DGKZ: variants seen among roughly 807,000 people sequenced by gnomAD.
DGKZ encodes diacylglycerol kinase zeta.
A neutral mutation model predicts 142.5 loss-of-function variants in DGKZ; 45 were observed. The observed-to-expected ratio is 0.32, with a 90% CI of 0.25 to 0.40. DGKZ has a LOEUF of 0.40. Among genes scored for constraint, DGKZ ranks in the 10% least tolerant of loss-of-function variants. DGKZ has a pLI of 1.00. For missense variants in DGKZ, 755 were observed against 1,306.5 expected (o/e 0.58, Z 6.51); for synonymous variants, 442 against 527.0 (o/e 0.84, Z 2.21).
chr11:46,377,923 T>G, intron 25 of DGKZ: 1 of 519,500 alleles, frequency 1.9e-6, no homozygotes, highest in Non-Finnish European at 3.5e-6. Context: ...GGGTGCCACA[T>G]CACCTGTTCT....
At chr11:46,366,728 T>A in intron 1 of DGKZ, 1 of 1,553,716 alleles carries the variant, frequency 6.4e-7, no homozygotes, top group Non-Finnish European at 8.7e-7. Flanking sequence ...CCTACCCCGC[T>A]ACCTGCGCCG....
At chr11:46,366,432 G>A in intron 1 of DGKZ, 2 of 1,545,132 alleles carry the variant, frequency 1.3e-6, no homozygotes, top group Non-Finnish European at 1.7e-6. Flanking sequence ...CTCCAGGGCT[G>A]CCTCCTGAGT....
intron 26 of DGKZ, 58 bp from the exon 27 acceptor site, chr11:46,378,399 G>C (rs935238331): frequency 1.9e-6 from 3 of 1,558,966 alleles, no homozygotes; most frequent in Non-Finnish European, 2.6e-6. Flanking sequence ...TGTCCACTGA[G>C]GCACCAACCC....
At chr11:46,357,090 A>G (rs1048962252) in intron 1 of DGKZ, among the ~76,000 whole-genome samples, 1 of 152,120 alleles carries the variant, frequency 6.6e-6, no homozygotes, top group Non-Finnish European at 1.5e-5. Flanking sequence ...GGAGGGAGGC[A>G]CTAAAGGAAT....
In DGKZ at chr11:46,367,351, C is replaced by A. The variant is rs778188259; in HGVS notation, c.222C>A (p.Ala74=). The change falls in exon 2 of 31, where the codon GCC becomes GCA. Residue 74 remains alanine, a synonymous_variant. Coordinates refer to ENST00000527911, the Ensembl canonical transcript of DGKZ. This position sits in a 1 kb window ranked among gnomAD's most constrained non-coding sequence, Gnocchi z 4.1. ...CCCCCCCTCCGCCCACCCCTGGGGC[C>A]CCGTGCAGCGAGTCAGAGCGGCAGA... The A allele has an allele frequency of 4.3e-6, 7 of 1,613,190 alleles. No homozygotes were observed. Among genetic ancestry groups the A allele is most frequent in the Non-Finnish European group, 5.1e-6 (6 of 1,180,000 alleles).
intron 30 of DGKZ, 23 bp downstream of exon 30, chr11:46,379,591 G>A (rs1944984516): frequency 1.3e-6 from 2 of 1,578,196 alleles, no homozygotes; most frequent in Non-Finnish European, 1.7e-6. Context: ...CAGGCAGGGA[G>A]CCCACGAGGG....
At chr11:46,337,788 A>C (rs6650168) in intron 1 of DGKZ, among the ~76,000 whole-genome samples, 28 of 145,606 alleles carry the variant, frequency 1.9e-4, no homozygotes, top group East Asian at 7.7e-4. Flanking sequence ...AACAAACAAA[A>C]AAAAAAATGG....
At chr11:46,348,319 G>T (rs1442663239) in intron 1 of DGKZ, among the ~76,000 whole-genome samples, 1 of 152,208 alleles carries the variant, frequency 6.6e-6, no homozygotes, top group Non-Finnish European at 1.5e-5. Context: ...TCTGCAGAAC[G>T]TAGCCCCGTT....
intron 1 of DGKZ, chr11:46,365,195 G>T: frequency 1.0e-6 from 1 of 985,450 alleles, no homozygotes; most frequent in African/African-American, 1.7e-5. Context: ...GCTCCTGCCT[G>T]CCTGCAGGAG....
intron 1 of DGKZ, among the ~76,000 whole-genome samples, chr11:46,349,895 G>C (rs757713746): frequency 4.6e-5 from 7 of 152,152 alleles, no homozygotes; most frequent in Non-Finnish European, 7.3e-5. Context: ...CAGATTCCTA[G>C]ATCTTCCCTT....
At chr11:46,350,034 A>G (rs1389086803) in intron 1 of DGKZ, among the ~76,000 whole-genome samples, 1 of 152,198 alleles carries the variant, frequency 6.6e-6, no homozygotes, top group Non-Finnish European at 1.5e-5. Context: ...AAGTGCTCTT[A>G]TAGGATGCCT....
intron 25 of DGKZ, 78 bp downstream of exon 25, chr11:46,377,290 T>A: frequency 2.0e-6 from 3 of 1,485,764 alleles, no homozygotes; most frequent in Non-Finnish European, 2.7e-6. Context: ...AATCCCTGCT[T>A]CTAGCCCCTC....
At chr11:46,345,668 G>A, upstream of DGKZ, 1 of 1,330,806 alleles carries the variant, frequency 7.5e-7, no homozygotes, top group Non-Finnish European at 1.0e-6. This position sits in a 1 kb window ranked among gnomAD's most constrained non-coding sequence, Gnocchi z 4.1. Context: ...GGTGACAGAA[G>A]TAGGGTCACC....
chr11:46,368,158 T>C (rs1943537450), intron 4 of DGKZ, 79 bp downstream of exon 4: 1 of 1,474,592 alleles, frequency 6.8e-7, no homozygotes, highest in Non-Finnish European at 9.4e-7. Flanking sequence ...CACCCACATG[T>C]TATACAAACG....
At chr11:46,369,712 TG>T (rs1409423050) in intron 5 of DGKZ, 162 bp downstream of exon 5, 11 of 1,018,996 alleles carry the variant, frequency 1.1e-5, no homozygotes, top group Non-Finnish European at 1.3e-5. Flanking sequence ...TAGCGCTGCC[TG>T]CGGAGTGGGT....
chr11:46,377,055 C>A lies in DGKZ; in HGVS notation c.2203-18C>A. 6.2e-7 allele frequency: 1 copy of A among 1,611,654 alleles called. No individual in the cohort carries two copies. The highest frequency in any genetic ancestry group is 8.5e-7 in the Non-Finnish European group (1 of 1,179,424). On this transcript the variant is annotated intron_variant, in intron 24 of 30. Transcript: ENST00000527911. ...ACCGTCAGGTGCCCTGACCTCCCGC[C>A]CTGACCTCCCCCCACAGGAGCACCT...
At chr11:46,333,704 T>G (rs1564986508) in intron 1 of DGKZ, among the ~76,000 whole-genome samples, 2 of 152,126 alleles carry the variant, frequency 1.3e-5, no homozygotes, top group Non-Finnish European at 2.9e-5. Flanking sequence ...TCATCCAATA[T>G]GCAGTGGCTG....
intron 28 of DGKZ, 38 bp downstream of exon 28, chr11:46,379,149 G>T (rs1295938468): frequency 6.2e-7 from 1 of 1,611,788 alleles, no homozygotes. Flanking sequence ...TGGGGCCAAG[G>T]TGGGAGGAGG....
chr11:46,348,602 A>C (rs1255529328), intron 1 of DGKZ, among the ~76,000 whole-genome samples: 1 of 152,098 alleles, frequency 6.6e-6, no homozygotes, highest in Non-Finnish European at 1.5e-5. Flanking sequence ...CAGCACTCCA[A>C]ATGTCACCAT....
Sources: gnomAD v4.1 joint callset for allele counts (sites outside exome capture counted in the v4.1 genomes callset) on GRCh38, gnomAD v4.1.1 for gene constraint, Gnocchi (gnomAD v3.1) non-coding constraint, MANE v1.5 for transcripts, NCBI Gene and HGNC (gene_info 2026-07-23, HGNC 2026-07-21) for gene names.